The following YY1AP1 variants were observed in gnomAD, a reference collection of about 807,000 sequenced individuals.
YY1AP1 encodes the protein YY1-associated protein 1.
Under a neutral mutation model 39.9 loss-of-function variants are expected in YY1AP1, and 43 were observed. The ratio of observed to expected loss-of-function variants is 1.08; its 90% CI spans 0.84 to 1.39. The LOEUF is 1.39. YY1AP1 is among the 40% of genes most tolerant of loss of function. The pLI is 0.00. For synonymous variants in YY1AP1, 292 were observed against 331.3 expected (o/e 0.88, Z 1.29); for missense variants, 813 against 900.7 (o/e 0.90, Z 1.25).
intron 9 of YY1AP1, among the ~76,000 whole-genome samples, chr1:155,664,080 T>C (rs1343071182): frequency 1.3e-5 from 2 of 151,008 alleles, no homozygotes; most frequent in Non-Finnish European, 2.9e-5. Flanking sequence ...TGAGCCATGA[T>C]TTAGCCACGC....
rs670787 is a variant in YY1AP1 at position 155,680,595 on chromosome 1, C to G, written c.-20-139G>C. 0.025 allele frequency: 17,314 copies of G among 692,534 alleles called. 2,334 individuals carry two copies. The African/African-American group carries it at 0.28, about 11-fold the overall frequency. The allele number at this position is 692,534 out of a possible 1,614,324, so 42.9% of individuals were successfully genotyped here. ...TCTATCCTTATTCCTGAGACAGGGT[C>G]TCACTCTGTCACCCGGGCTGGAGGG... On this transcript the variant is annotated intron_variant, in intron 2 of 10. Transcript: ENST00000355499.
At chr1:155,688,332 G>GGCGGCAGCAGAGTGGCC (rs1462058265) in intron 1 of YY1AP1, 131 bp from the exon 2 acceptor site, 13 of 1,550,968 alleles carry the variant, frequency 8.4e-6, no homozygotes, top group Non-Finnish European at 9.6e-6. Context: ...CGGCGGCAGC[G>GGCGGCAGCAGAGTGGCC]GCGGCAGCAG....
intron 4 of YY1AP1, among the ~76,000 whole-genome samples, chr1:155,678,624 A>G (rs951723552): frequency 9.9e-5 from 15 of 152,158 alleles, no homozygotes; most frequent in Admixed American, 7.9e-4. Flanking sequence ...AATGACTAGT[A>G]GTTCTAGTTT....
Position 155,659,870 on chromosome 1 carries a change from C to T in YY1AP1, c.2040G>A (p.Gly680=). The T allele has an allele frequency of 6.2e-7, 1 of 1,614,208 alleles. No individual in the cohort carries two copies. Among genetic ancestry groups the T allele is most frequent in the Non-Finnish European group, 8.5e-7 (1 of 1,180,040 alleles). ...GGCACTGTTTATCGACTGGTGGAGG[C>T]CCTGGGCTATGTTCCACTTTGGGGA... ...TVFPKVEHSP[G]PPPVDKQCQE... Residue 680 remains glycine (G), a synonymous_variant, in exon 11 of 11, where the codon GGG becomes GGA. Transcript: ENST00000355499.
chr1:155,660,855 A>C lies in YY1AP1; in HGVS notation c.1055T>G (p.Val352Gly). 1 of 1,613,684 alleles carries C rather than the reference A, an allele frequency of 6.2e-7. No individual in the cohort carries two copies. Among genetic ancestry groups the C allele is most frequent in the Non-Finnish European group, 8.5e-7 (1 of 1,179,930 alleles). ...CTCAGTGGTTCCAGTCATATTTCCTACCTCTCTAGCACCATCAGCCATGTG... is the reference window on the plus strand; with the variant it reads ...CTCAGTGGTTCCAGTCATATTTCCTCCCTCTCTAGCACCATCAGCCATGTG... ...LRHMADGARE[V>G]GNMTGTTEIN... The change falls in exon 11 of 11, where the codon GTA (valine) becomes GGA (glycine). Residue 352 changes from valine (V) to glycine (G), a missense_variant. By Grantham distance (109) the Val-to-Gly change is moderately radical. Transcript: ENST00000355499.
At chr1:155,684,759 G>T (rs546560518) in intron 2 of YY1AP1, among the ~76,000 whole-genome samples, 3 of 151,978 alleles carry the variant, frequency 2.0e-5, no homozygotes, top group Non-Finnish European at 4.4e-5. Flanking sequence ...CTAATTTTTT[G>T]TATTTTAGTA....
chr1:155,688,761 C>A lies in YY1AP1; in HGVS notation c.-254G>T. The A allele has an allele frequency of 6.6e-7, 1 of 1,523,448 alleles. No homozygotes were observed. Among genetic ancestry groups the A allele is most frequent in the Non-Finnish European group, 8.8e-7 (1 of 1,140,330 alleles). 94.4% of individuals were successfully genotyped at this position (1,523,448 alleles called of 1,614,324 possible). A position where few individuals can be genotyped will look rare whatever the true frequency, so the allele number is the denominator to read the frequency against. On this transcript the variant is annotated 5_prime_UTR_variant, in exon 1 of 11. Transcript: ENST00000355499. ...CCGCCGCCAAAGCAGCCGCCGCCAGCACCCCCACCCTACACTCCTCGCGCG... is the reference window on the plus strand; with the variant it reads ...CCGCCGCCAAAGCAGCCGCCGCCAGAACCCCCACCCTACACTCCTCGCGCG...
intron 3 of YY1AP1, 84 bp downstream of exon 3, chr1:155,680,332 A>G: frequency 2.7e-6 from 4 of 1,488,194 alleles, no homozygotes; most frequent in Non-Finnish European, 3.7e-6. Flanking sequence ...CTCTTCTAGA[A>G]GGAGCATCAC....
chr1:155,676,532 C>A lies in YY1AP1; in HGVS notation c.324+16G>T. Reference sequence around the variant, plus strand: ...TTGGTATAATTCAATATTAATATGACCAAGGAAAGTGTTACCTGCTGCATC... The same window carrying A: ...TTGGTATAATTCAATATTAATATGAACAAGGAAAGTGTTACCTGCTGCATC... On this transcript the variant is annotated intron_variant, in intron 5 of 10. Coordinates refer to ENST00000355499, the MANE Select transcript of YY1AP1 (RefSeq NM_139119.3). 6.2e-7 allele frequency: 1 copy of A among 1,613,888 alleles called. No individual in the cohort carries two copies.
chr1:155,661,528 C>A (rs529508064), intron 9 of YY1AP1, 105 bp from the exon 10 acceptor site: 439 of 1,556,760 alleles, frequency 2.8e-4, no homozygotes, highest in Non-Finnish European at 2.6e-4. Flanking sequence ...CACACACACA[C>A]ACACACACAC....
chr1:155,688,729 C>A lies in YY1AP1; in HGVS notation c.-222G>T. 1 of 1,518,452 alleles carries A rather than the reference C, an allele frequency of 6.6e-7. No individual in the cohort carries two copies. Among genetic ancestry groups the A allele is most frequent in the Non-Finnish European group, 8.8e-7 (1 of 1,139,950 alleles). 94.1% of individuals were successfully genotyped at this position (1,518,452 alleles called of 1,614,324 possible). The stretch of plus-strand genomic sequence containing the variant: ...TCCCCCTCCCTCCCCGCCCGCACGG[C>A]CACCAACCGCCGCCAAAGCAGCCGC... On this transcript the variant is annotated 5_prime_UTR_variant, in exon 1 of 11. Coordinates refer to ENST00000355499, the MANE Select transcript of YY1AP1 (RefSeq NM_139119.3).
chr1:155,659,551 T>A lies in YY1AP1; in HGVS notation c.*106A>T. ...GCTCAAGAGCCCCAGTTGCAAAATC[T>A]GGGGTTTAAGTACCCTTTAGGGGTT... On this transcript the variant is annotated 3_prime_UTR_variant, in exon 11 of 11. Transcript: ENST00000355499. 3 of 1,268,006 alleles carry A rather than the reference T, an allele frequency of 2.4e-6. No individual in the cohort carries two copies. Among genetic ancestry groups the A allele is most frequent in the Non-Finnish European group, 3.3e-6 (3 of 910,664 alleles). The allele number at this position is 1,268,006 out of a possible 1,614,324, so 78.5% of individuals were successfully genotyped here.
intron 9 of YY1AP1, 122 bp from the exon 10 acceptor site, chr1:155,661,545 AC>A: frequency 1.3e-6 from 2 of 1,554,688 alleles, no homozygotes; most frequent in Non-Finnish European, 1.8e-6. Context: ...ACACACACAC[AC>A]ACACAAGACC....
At chr1:155,682,475 G>GT (rs1651661926) in intron 2 of YY1AP1, among the ~76,000 whole-genome samples, 4 of 151,612 alleles carry the variant, frequency 2.6e-5, no homozygotes, top group Non-Finnish European at 1.5e-5. Flanking sequence ...TTTTGTTTCT[G>GT]TTTTTTCGAG....
In YY1AP1 at chr1:155,676,461, A is replaced by C. The variant is rs539753920; in HGVS notation, c.324+87T>G. The C allele has an allele frequency of 1.6e-3, 2,394 of 1,506,082 alleles. 8 individuals are homozygous for C. The highest frequency in any genetic ancestry group is 1.7e-3 in the Non-Finnish European group (1,843 of 1,087,594). 93.3% of individuals were successfully genotyped at this position (1,506,082 alleles called of 1,614,324 possible). Reference sequence around the variant, plus strand: ...AGTAAGGTAACTATCTCTGACATTTACAAAGCTGCTAATTTTAGATTATAC... The same window carrying C: ...AGTAAGGTAACTATCTCTGACATTTCCAAAGCTGCTAATTTTAGATTATAC... On this transcript the variant is annotated intron_variant, in intron 5 of 10. Transcript: ENST00000355499.
At chr1:155,672,434 A>C in intron 7 of YY1AP1, 126 bp downstream of exon 7, 1 of 995,904 alleles carries the variant, frequency 1.0e-6, no homozygotes, top group Admixed American at 2.0e-5. Context: ...AGAGAGAAGG[A>C]AGAAATTACA....
In YY1AP1 at chr1:155,660,578, G is replaced by C. The variant is rs779047017; in HGVS notation, c.1332C>G (p.Ser444Arg). ...AQSTHSEAPP[S>R]KMVLRIPHPI... ...GGTGAGGAATCCGGAGCACCATTTTGCTCGGAGGGGCTTCTGAATGAGTTG... is the reference window on the plus strand; with the variant it reads ...GGTGAGGAATCCGGAGCACCATTTTCCTCGGAGGGGCTTCTGAATGAGTTG... The change falls in exon 11 of 11, where the codon AGC becomes AGG. Residue 444 changes from serine (S) to arginine (R), a missense_variant. Coordinates refer to ENST00000355499, the MANE Select transcript of YY1AP1 (RefSeq NM_139119.3). 6.2e-7 allele frequency: 1 copy of C among 1,614,128 alleles called. No homozygotes were observed. Among genetic ancestry groups the C allele is most frequent in the Non-Finnish European group, 8.5e-7 (1 of 1,179,986 alleles).
At chr1:155,668,902 C>CAGAGTGAG in intron 8 of YY1AP1, 125 bp from the exon 9 acceptor site, 1 of 1,432,394 alleles carries the variant, frequency 7.0e-7, no homozygotes, top group Non-Finnish European at 9.6e-7. Context: ...CTCACTCTGT[C>CAGAGTGAG]ACCTGGGCTG....
At chr1:155,682,555 TTCA>T (rs1459362820) in intron 2 of YY1AP1, among the ~76,000 whole-genome samples, 1 of 151,632 alleles carries the variant, frequency 6.6e-6, no homozygotes, top group Non-Finnish European at 1.5e-5. Flanking sequence ...GAGATGGGGT[TTCA>T]TCATGTTGGC....
Sources: allele counts gnomAD v4.1 joint callset (sites outside exome capture counted in the v4.1 genomes callset), GRCh38; gene constraint gnomAD v4.1.1; transcripts MANE v1.5; gene names NCBI Gene and HGNC (gene_info 2026-07-23, HGNC 2026-07-21).